The following RHOU variants were observed in gnomAD, a reference collection of about 807,000 sequenced individuals.
RHOU encodes the protein ras homolog family member U.
RHOU carries 8 observed loss-of-function variants against 12.6 expected under a neutral mutation model. That is an observed-to-expected ratio of 0.64 (90% CI 0.37 to 1.15). The LOEUF (loss-of-function observed/expected upper bound fraction) is 1.15. RHOU is among the 50% of genes most tolerant of loss of function. The probability of loss-of-function intolerance (pLI) is 0.01; values close to 1 mark genes in which losing one functional copy is unlikely to be tolerated. For synonymous variants in RHOU, 161 were observed against 147.4 expected (o/e 1.09, Z -0.67); for missense variants, 258 against 347.0 (o/e 0.74, Z 2.04).
At chr1:228,681,418 G>A in the RHOU span, among the ~76,000 whole-genome samples, 2 of 152,032 alleles carry the variant, frequency 1.3e-5, no homozygotes, top group Non-Finnish European at 2.9e-5. Context: ...GGGTCAGATG[G>A]GTCAGCAGAA....
chr1:228,698,332 A>C, the RHOU span, among the ~76,000 whole-genome samples: 3 of 152,290 alleles, frequency 2.0e-5, no homozygotes, highest in East Asian at 5.8e-4. Flanking sequence ...GAATGAGCTA[A>C]ATACAAAGTC....
the RHOU span, among the ~76,000 whole-genome samples, chr1:228,721,264 C>T: frequency 3.9e-5 from 6 of 152,132 alleles, no homozygotes; most frequent in East Asian, 5.8e-4. Context: ...ATGGTGCCAC[C>T]GCACTCCAGC....
At position 228,743,692 on chromosome 1, in the gene RHOU, G is replaced by GA. The variant is rs777168617; in HGVS notation, c.734dup (p.Asn245LysfsTer37). 6.2e-7 allele frequency: 1 copy of GA among 1,613,728 alleles called. No homozygotes were observed. The highest frequency in any genetic ancestry group is 8.5e-7 in the Non-Finnish European group (1 of 1,179,886). ...CTAAAAGCAGGACTCCAGATAAAAT[G>GA]AAAAACCTCTCCAAGTCCTGGTGGA... On this transcript the variant is annotated frameshift_variant, in exon 3 of 3. Transcript: ENST00000366691. LOFTEE classifies it high-confidence loss of function. The surrounding 1 kb of genome is among the most constrained non-coding windows in gnomAD (Gnocchi z 5.1).
chr1:228,711,789 A>C, the RHOU span, among the ~76,000 whole-genome samples: 4 of 148,448 alleles, frequency 2.7e-5, no homozygotes, highest in Non-Finnish European at 6.0e-5. Context: ...CAATGGCAAC[A>C]AAAGCCAAAA....
the RHOU span, among the ~76,000 whole-genome samples, chr1:228,674,415 C>T: frequency 1.4e-5 from 2 of 144,634 alleles, no homozygotes; most frequent in African/African-American, 2.6e-5. Context: ...GGTGCAATTT[C>T]GGCTCACTGC....
At chr1:228,684,073 T>A in the RHOU span, among the ~76,000 whole-genome samples, 1 of 152,226 alleles carries the variant, frequency 6.6e-6, no homozygotes, top group Non-Finnish European at 1.5e-5. Flanking sequence ...AGTCTTGCTC[T>A]GTCGCCCAGG....
chr1:228,725,757 T>A, the RHOU span, among the ~76,000 whole-genome samples: 1 of 152,238 alleles, frequency 6.6e-6, no homozygotes, highest in Non-Finnish European at 1.5e-5. Flanking sequence ...GCCATCTGAA[T>A]TAATAAAATT....
chr1:228,707,366 T>G, the RHOU span, among the ~76,000 whole-genome samples: 1 of 146,302 alleles, frequency 6.8e-6, no homozygotes, highest in Non-Finnish European at 1.5e-5. Context: ...GGTCTACAGC[T>G]CCCAGCGTGA....
the RHOU span, among the ~76,000 whole-genome samples, chr1:228,707,785 G>A: frequency 6.6e-6 from 1 of 152,294 alleles, no homozygotes; most frequent in African/African-American, 2.4e-5. Context: ...TTCCTCACCA[G>A]CAACGGAACA....
the RHOU span, among the ~76,000 whole-genome samples, chr1:228,653,342 G>T: frequency 6.6e-6 from 1 of 151,786 alleles, no homozygotes; most frequent in Non-Finnish European, 1.5e-5. Context: ...TTTTTTTGAC[G>T]GAGTTTTGCT....
At chr1:228,691,188 CCTCA>C in the RHOU span, among the ~76,000 whole-genome samples, 8 of 152,004 alleles carry the variant, frequency 5.3e-5, no homozygotes, top group Non-Finnish European at 1.2e-4. Context: ...TCCAGGCCTC[CCTCA>C]CTATCAGCAT....
At chr1:228,672,892 A>G in the RHOU span, among the ~76,000 whole-genome samples, 1 of 152,188 alleles carries the variant, frequency 6.6e-6, no homozygotes. Flanking sequence ...GGTTTCAGGC[A>G]GATTACTTCT....
At chr1:228,680,962 C>T in the RHOU span, among the ~76,000 whole-genome samples, 50 of 152,266 alleles carry the variant, frequency 3.3e-4, no homozygotes, top group South Asian at 1.7e-3. Flanking sequence ...AGGTCTGGCT[C>T]ATGAAGCCGG....
the RHOU span, chr1:228,650,159 G>T: frequency 1.1e-4 from 50 of 455,498 alleles, no homozygotes; most frequent in Admixed American, 1.2e-3. Flanking sequence ...GAGCTGCACT[G>T]CGGTTAGGGC....
chr1:228,724,208 G>A, the RHOU span, among the ~76,000 whole-genome samples: 2 of 152,172 alleles, frequency 1.3e-5, no homozygotes, highest in African/African-American at 2.4e-5. Context: ...TTTGCTGAAT[G>A]AGCAAATCAA....
At chr1:228,685,354 G>C in the RHOU span, among the ~76,000 whole-genome samples, 5 of 152,202 alleles carry the variant, frequency 3.3e-5, no homozygotes, top group African/African-American at 1.2e-4. Context: ...AGATGGAGTT[G>C]CTCTGGTTCC....
chr1:228,712,857 TA>T, the RHOU span, among the ~76,000 whole-genome samples: 1 of 103,762 alleles, frequency 9.6e-6, no homozygotes, highest in Non-Finnish European at 1.8e-5. Flanking sequence ...TAAAATAAAA[TA>T]AAATAAAATA....
the RHOU span, among the ~76,000 whole-genome samples, chr1:228,694,929 T>C: frequency 6.6e-6 from 1 of 152,178 alleles, no homozygotes; most frequent in Non-Finnish European, 1.5e-5. Context: ...AGATCATGTA[T>C]AGAAACAATA....
chr1:228,687,888 C>G, the RHOU span: 1 of 860,624 alleles, frequency 1.2e-6, no homozygotes, highest in Non-Finnish European at 2.0e-6. Context: ...AGAGTTATCC[C>G]TTTCTAACAT....
Sources: allele counts gnomAD v4.1 joint callset (sites outside exome capture counted in the v4.1 genomes callset), GRCh38; gene constraint gnomAD v4.1.1; non-coding constraint Gnocchi (gnomAD v3.1); transcripts MANE v1.5; gene names NCBI Gene and HGNC (gene_info 2026-07-23, HGNC 2026-07-21).